Variants in MAGI2 observed in about 807,000 individuals in gnomAD.
MAGI2 encodes membrane-associated guanylate kinase, WW and PDZ domain-containing protein 2.
MAGI2 carries 35 observed loss-of-function variants against 133.3 expected under a neutral mutation model. The ratio of observed to expected loss-of-function variants is 0.26; its 90% confidence interval spans 0.20 to 0.35. The LOEUF is 0.35. Among genes scored for constraint, MAGI2 ranks in the 10% least tolerant of loss-of-function variants. The pLI, the probability that MAGI2 is intolerant of heterozygous loss-of-function variation, is 1.00. For missense variants in MAGI2, 1,636 were observed against 1,863.4 expected, an observed-to-expected ratio of 0.88 and a Z score of 2.25; for synonymous variants, 729 against 710.6, an observed-to-expected ratio of 1.03 and a Z score of -0.41.
intron 6 of MAGI2, among the ~76,000 whole-genome samples, chr7:78,471,388 G>C (rs936172313): frequency 1.3e-5 from 2 of 152,036 alleles, no homozygotes; most frequent in Non-Finnish European, 2.9e-5. Flanking sequence ...GGCTGTTGTG[G>C]AGATTAAAGG....
intron 1 of MAGI2, among the ~76,000 whole-genome samples, chr7:79,375,476 AT>A (rs927334088): frequency 7.9e-5 from 12 of 152,040 alleles, no homozygotes; most frequent in East Asian, 1.9e-4. Flanking sequence ...GATACAAATA[AT>A]TTTTTTCATC....
chr7:79,335,629 T>C (rs548322885), intron 1 of MAGI2, among the ~76,000 whole-genome samples: 82 of 152,122 alleles, frequency 5.4e-4, no homozygotes, highest in Non-Finnish European at 1.1e-3. Context: ...TGTAGTAAGA[T>C]AATTTTATTT....
chr7:78,118,815 A>T (rs1048619342), intron 20 of MAGI2, among the ~76,000 whole-genome samples: 3 of 152,206 alleles, frequency 2.0e-5, no homozygotes, highest in African/African-American at 4.8e-5. Flanking sequence ...AACTCAACAT[A>T]CTTGTATCAT....
intron 1 of MAGI2, among the ~76,000 whole-genome samples, chr7:79,054,793 A>G (rs775962782): frequency 2.6e-5 from 4 of 152,028 alleles, no homozygotes; most frequent in Non-Finnish European, 4.4e-5. Context: ...TTGGGTCCCA[A>G]TTTGTCCCTT....
intron 1 of MAGI2, among the ~76,000 whole-genome samples, chr7:79,051,197 T>C (rs1024401604): frequency 6.6e-6 from 1 of 152,204 alleles, no homozygotes; most frequent in African/African-American, 2.4e-5. Flanking sequence ...CTCTATCTAA[T>C]CTAGGGGAAA....
intron 2 of MAGI2, among the ~76,000 whole-genome samples, chr7:78,978,604 G>T (rs1191040164): frequency 2.0e-5 from 3 of 151,814 alleles, no homozygotes; most frequent in African/African-American, 4.8e-5. Flanking sequence ...AAAACCCAAA[G>T]AATTTACAGC....
At chr7:78,562,155 T>C (rs1800474167) in intron 3 of MAGI2, among the ~76,000 whole-genome samples, 1 of 152,216 alleles carries the variant, frequency 6.6e-6, no homozygotes, top group Non-Finnish European at 1.5e-5. Context: ...GAGAATTACA[T>C]GTACACATTC....
chr7:78,454,690 G>A (rs1381164197), intron 6 of MAGI2, among the ~76,000 whole-genome samples: 2 of 152,052 alleles, frequency 1.3e-5, no homozygotes, highest in Non-Finnish European at 1.5e-5. Context: ...TAGTTTTAAC[G>A]GATAAACAAA....
chr7:79,198,022 G>T (rs548465303), intron 1 of MAGI2, among the ~76,000 whole-genome samples: 7 of 152,008 alleles, frequency 4.6e-5, no homozygotes, highest in African/African-American at 1.7e-4. Flanking sequence ...CAAGGAGAGA[G>T]GATCACTTGA....
chr7:79,435,544 T>G (rs1848074746), intron 1 of MAGI2, among the ~76,000 whole-genome samples: 2 of 152,220 alleles, frequency 1.3e-5, no homozygotes, highest in South Asian at 4.1e-4. Flanking sequence ...TTTTAATTTA[T>G]AGCATAATTA....
At chr7:78,724,778 C>T (rs1820605311) in intron 2 of MAGI2, among the ~76,000 whole-genome samples, 1 of 150,514 alleles carries the variant, frequency 6.6e-6, no homozygotes, top group South Asian at 2.1e-4. Context: ...AAGGCTAGAC[C>T]ACCTAACTTT....
chr7:78,629,086 G>A (rs565259855), intron 2 of MAGI2, among the ~76,000 whole-genome samples: 3 of 152,236 alleles, frequency 2.0e-5, no homozygotes, highest in South Asian at 4.1e-4. Flanking sequence ...CAGGGCTGCT[G>A]ACTTGTTTGG....
chr7:79,431,958 T>TA (rs1170746298), intron 1 of MAGI2, among the ~76,000 whole-genome samples: 1 of 152,196 alleles, frequency 6.6e-6, no homozygotes, highest in Non-Finnish European at 1.5e-5. Flanking sequence ...TCTCTCTCCA[T>TA]AAGCTTCCTC....
intron 9 of MAGI2, among the ~76,000 whole-genome samples, chr7:78,263,211 A>C (rs1042774697): frequency 6.6e-6 from 1 of 152,054 alleles, no homozygotes; most frequent in Admixed American, 6.6e-5. Flanking sequence ...TCTTTATCCA[A>C]TCCACCATTG....
intron 6 of MAGI2, 38 bp downstream of exon 6, chr7:78,489,723 G>T (rs764201295): frequency 1.4e-6 from 2 of 1,449,678 alleles, no homozygotes; most frequent in Admixed American, 3.5e-5. Context: ...CATTCTCAAA[G>T]CACATTGCTG....
chr7:78,251,407 A>C (rs1792368612), intron 10 of MAGI2: 1 of 152,236 alleles, frequency 6.6e-6, no homozygotes, highest in South Asian at 2.1e-4. Context: ...AGTCAAAGGC[A>C]TACAAATTGG....
At position 79,070,084 on chromosome 7, in the gene MAGI2, G is replaced by A. The variant is rs187906099; in HGVS notation, c.302-62878C>T. Among the ~76,000 whole-genome samples the A allele has an allele frequency of 1.1e-4, 16 of 152,056 alleles. No individual in the cohort carries two copies. The East Asian group carries it at 2.7e-3, about 26-fold the overall frequency. ...TGTGAATCTAATGATTATGTGTCTT[G>A]GGGTTTGCTCTTCTCAAGGAGTATC... On this transcript the variant is annotated intron_variant, in intron 1 of 21. Coordinates refer to ENST00000354212, the MANE Select transcript of MAGI2 (RefSeq NM_012301.4).
intron 9 of MAGI2, among the ~76,000 whole-genome samples, chr7:78,310,070 ATTC>A (rs982851044): frequency 2.0e-5 from 3 of 152,158 alleles, no homozygotes; most frequent in Admixed American, 2.0e-4. Context: ...GCAAAAAATT[ATTC>A]TTCTAAAATT....
intron 1 of MAGI2, among the ~76,000 whole-genome samples, chr7:79,036,377 G>GTT (rs1811130643): frequency 6.6e-6 from 1 of 152,192 alleles, no homozygotes; most frequent in Admixed American, 6.5e-5. Context: ...CATCCTGTGT[G>GTT]TCAGGAAATG....
Sources: gnomAD v4.1 joint callset for allele counts (sites outside exome capture counted in the v4.1 genomes callset) on GRCh38, gnomAD v4.1.1 for gene constraint, MANE v1.5 for transcripts, NCBI Gene and HGNC (gene_info 2026-07-23, HGNC 2026-07-21) for gene names.